The following MEIOB variants were observed in gnomAD, a reference collection of about 807,000 sequenced individuals.
The protein encoded by MEIOB is meiosis specific with OB-fold.
In MEIOB, 50 loss-of-function variants were observed where a neutral mutation model predicts 53.1. The observed-to-expected ratio is 0.94, with a 90% CI of 0.75 to 1.19. The LOEUF (loss-of-function observed/expected upper bound fraction) is 1.19. MEIOB is among the 50% of genes most tolerant of loss of function. The probability of loss-of-function intolerance (pLI) is 0.00; values close to 1 mark genes in which losing one functional copy is unlikely to be tolerated. For synonymous variants in MEIOB, 192 were observed against 182.5 expected (o/e 1.05, Z -0.42); for missense variants, 551 against 550.8 (o/e 1.00, Z 0.00).
At chr16:1,840,476 G>A (rs190857660) in intron 11 of MEIOB, among the ~76,000 whole-genome samples, 6 of 152,180 alleles carry the variant, frequency 3.9e-5, no homozygotes, top group African/African-American at 1.2e-4. Flanking sequence ...CTGTGACATG[G>A]TACTATCACT....
chr16:1,870,468 G>A (rs1220013663), intron 1 of MEIOB, among the ~76,000 whole-genome samples: 1 of 152,138 alleles, frequency 6.6e-6, no homozygotes, highest in African/African-American at 2.4e-5. Flanking sequence ...TGAATTTCAG[G>A]CAGCCTGTGG....
chr16:1,848,627 C>T (rs1311367694), intron 9 of MEIOB, among the ~76,000 whole-genome samples: 1 of 147,350 alleles, frequency 6.8e-6, no homozygotes, highest in Non-Finnish European at 1.5e-5. Context: ...ACTACAACAT[C>T]CACCTCCCCG....
intron 2 of MEIOB, among the ~76,000 whole-genome samples, chr16:1,866,915 G>A (rs1175970619): frequency 6.6e-6 from 1 of 152,006 alleles, no homozygotes; most frequent in Non-Finnish European, 1.5e-5. Context: ...TGCTTATTTA[G>A]ACACATTGAT....
intron 6 of MEIOB, among the ~76,000 whole-genome samples, 176 bp downstream of exon 6, chr16:1,857,559 T>C (rs1194667669): frequency 6.6e-6 from 1 of 152,202 alleles, no homozygotes; most frequent in Non-Finnish European, 1.5e-5. Context: ...CATCCACAGA[T>C]AAAAAGCTAG....
chr16:1,842,370 T>G (rs1312542756), intron 10 of MEIOB, among the ~76,000 whole-genome samples: 1 of 150,602 alleles, frequency 6.6e-6, no homozygotes, highest in Non-Finnish European at 1.5e-5. Context: ...ATCCCAGCAA[T>G]TTGGGAGGTC....
intron 5 of MEIOB, among the ~76,000 whole-genome samples, chr16:1,859,974 C>T (rs555936768): frequency 2.8e-4 from 43 of 152,326 alleles, no homozygotes; most frequent in East Asian, 1.2e-3. Flanking sequence ...GGTCTATCCT[C>T]GCAGGGTTCC....
chr16:1,843,191 G>A (rs1175752804), intron 10 of MEIOB, among the ~76,000 whole-genome samples: 1 of 151,294 alleles, frequency 6.6e-6, no homozygotes, highest in Non-Finnish European at 1.5e-5. Flanking sequence ...TACTCCAGAG[G>A]CTGAGGCAGG....
rs763333784 is a variant in MEIOB, at chr16:1,853,117, C to T, written c.700G>A (p.Val234Ile). 2.3e-5 allele frequency: 37 copies of T among 1,611,690 alleles called. No individual in the cohort carries two copies. Among genetic ancestry groups the T allele is most frequent in the Admixed American group, 5.0e-5 (3 of 59,910 alleles). Residue 234 changes from valine (V) to isoleucine (I), a missense_variant, in exon 9 of 14, where the codon GTA (valine) becomes ATA (isoleucine). Physicochemically the swap from Val to Ile is conservative, Grantham distance 29. Coordinates refer to ENST00000325962, the MANE Select transcript of MEIOB (RefSeq NM_001163560.3). ...CGAAATTTGTCAAAATTTATTCTTA[C>T]ATCTGAGGCAAATATTACTGTTTGG... The part of the protein sequence containing the change: ...PRETVIFASD[V>I]RINFDKFRNC...
At chr16:1,848,792 C>A (rs1899088802) in intron 9 of MEIOB, among the ~76,000 whole-genome samples, 1 of 152,056 alleles carries the variant, frequency 6.6e-6, no homozygotes, top group Non-Finnish European at 1.5e-5. Flanking sequence ...GATCCGCCCA[C>A]CTCGGCCTCC....
At chr16:1,864,472 A>ATT (rs1221861064) in intron 3 of MEIOB, among the ~76,000 whole-genome samples, 13 of 135,392 alleles carry the variant, frequency 9.6e-5, no homozygotes, top group African/African-American at 3.7e-4. Flanking sequence ...AAAACTGTGA[A>ATT]TTTCTTTTTC....
chr16:1,851,277 C>T (rs1257337526), intron 9 of MEIOB, among the ~76,000 whole-genome samples: 1 of 152,200 alleles, frequency 6.6e-6, no homozygotes, highest in African/African-American at 2.4e-5. Flanking sequence ...TCCTCCCACA[C>T]ATAGGCACAG....
chr16:1,848,690 C>T (rs1343115248), intron 9 of MEIOB, among the ~76,000 whole-genome samples: 1 of 151,970 alleles, frequency 6.6e-6, no homozygotes, highest in Non-Finnish European at 1.5e-5. Flanking sequence ...CTATAGGCAC[C>T]ATACCACCAC....
chr16:1,870,397 C>A (rs2150827295), intron 1 of MEIOB, among the ~76,000 whole-genome samples: 1 of 152,332 alleles, frequency 6.6e-6, no homozygotes, highest in Non-Finnish European at 1.5e-5. Context: ...TCCAGGGCCT[C>A]TTTAACTCTG....
At chr16:1,867,272 A>G (rs1336507217) in intron 2 of MEIOB, among the ~76,000 whole-genome samples, 1 of 152,054 alleles carries the variant, frequency 6.6e-6, no homozygotes, top group Non-Finnish European at 1.5e-5. Context: ...TAAGTAAGTA[A>G]CAGTCGAGAT....
intron 9 of MEIOB, among the ~76,000 whole-genome samples, chr16:1,851,417 A>T (rs1344765748): frequency 6.6e-6 from 1 of 152,052 alleles, no homozygotes; most frequent in Non-Finnish European, 1.5e-5. Context: ...GTTCTCCTTA[A>T]ATATTTCATA....
At chr16:1,859,428 C>G (rs1022854854) in intron 5 of MEIOB, among the ~76,000 whole-genome samples, 1 of 152,088 alleles carries the variant, frequency 6.6e-6, no homozygotes, top group African/African-American at 2.4e-5. Flanking sequence ...GTAATCACAG[C>G]TACTTGGGAG....
chr16:1,847,929 C>A (rs1449546791), intron 9 of MEIOB, among the ~76,000 whole-genome samples: 30 of 152,100 alleles, frequency 2.0e-4, no homozygotes, highest in African/African-American at 6.8e-4. Context: ...TCCAAAGTAA[C>A]AATCATGGCT....
chr16:1,846,939 G>A (rs62038440), intron 9 of MEIOB, among the ~76,000 whole-genome samples: 18 of 151,678 alleles, frequency 1.2e-4, no homozygotes, highest in African/African-American at 4.1e-4. Context: ...GGCGGATCAC[G>A]AGGTCAGGAG....
chr16:1,854,376 C>T (rs756804089), intron 6 of MEIOB, among the ~76,000 whole-genome samples, 176 bp from the exon 7 acceptor site: 10 of 152,350 alleles, frequency 6.6e-5, no homozygotes, highest in Middle Eastern at 3.4e-3. Context: ...ACTACATGTA[C>T]GTAGCTGAAG....
Sources: allele counts gnomAD v4.1 joint callset (sites outside exome capture counted in the v4.1 genomes callset), GRCh38; gene constraint gnomAD v4.1.1; transcripts MANE v1.5; gene names NCBI Gene and HGNC (gene_info 2026-07-23, HGNC 2026-07-21).